Variants in SCARB1 observed in about 807,000 individuals in gnomAD.
The protein encoded by SCARB1 is scavenger receptor class B member 1.
A neutral mutation model predicts 57.2 loss-of-function variants in SCARB1; 30 were observed. That is an observed-to-expected ratio of 0.52 (90% CI 0.39 to 0.71). SCARB1 has a LOEUF of 0.71. Ranked by LOEUF, SCARB1 falls within the 30% of genes least tolerant of loss-of-function variation. SCARB1 has a pLI of 0.00. For synonymous variants in SCARB1, 249 were observed against 268.3 expected, an observed-to-expected ratio of 0.93 and a Z score of 0.70; for missense variants, 543 against 671.2, an observed-to-expected ratio of 0.81 and a Z score of 2.11.
In SCARB1 at chr12:124,817,808, G is replaced by C; in HGVS notation, c.127-101C>G. The C allele has an allele frequency of 7.7e-7, 1 of 1,297,914 alleles. No homozygotes were observed. The highest frequency in any genetic ancestry group is 1.2e-5 in the South Asian group (1 of 84,434). 80.4% of individuals were successfully genotyped at this position (1,297,914 alleles called of 1,614,324 possible). Reference sequence around the variant, plus strand: ...GCTGCCCGAGCCCGGCCAGGGAAGGGGCTCCTCGGCGGGAGCTTGGGATAG... The same window carrying C: ...GCTGCCCGAGCCCGGCCAGGGAAGGCGCTCCTCGGCGGGAGCTTGGGATAG... On this transcript the variant is annotated intron_variant, in intron 1 of 12. Transcript: ENST00000261693. The surrounding 1 kb of genome is among the most constrained non-coding windows in gnomAD (Gnocchi z 4.8).
intron 1 of SCARB1, among the ~76,000 whole-genome samples, chr12:124,823,290 T>G (rs1361925726): frequency 1.3e-5 from 2 of 152,226 alleles, no homozygotes; most frequent in African/African-American, 4.8e-5. Flanking sequence ...TAATGTGAAA[T>G]TTTAAAAATA....
intron 1 of SCARB1, among the ~76,000 whole-genome samples, chr12:124,823,161 C>T (rs1228125325): frequency 6.6e-6 from 1 of 152,144 alleles, no homozygotes; most frequent in African/African-American, 2.4e-5. Flanking sequence ...AATTCTGTTT[C>T]CTGATCTGGT....
intron 1 of SCARB1, among the ~76,000 whole-genome samples, chr12:124,854,785 G>C (rs1281831329): frequency 6.6e-6 from 1 of 152,156 alleles, no homozygotes; most frequent in African/African-American, 2.4e-5. Flanking sequence ...GGGAGCCACA[G>C]GTGTGGCCGA....
intron 1 of SCARB1, among the ~76,000 whole-genome samples, chr12:124,863,125 G>T (rs906696391): frequency 6.6e-6 from 1 of 152,232 alleles, no homozygotes; most frequent in Admixed American, 6.5e-5. Context: ...GGGTCTCACA[G>T]AAGGTTCCTG....
chr12:124,836,631 A>G (rs1351576600), intron 1 of SCARB1, among the ~76,000 whole-genome samples: 1 of 151,936 alleles, frequency 6.6e-6, no homozygotes, highest in Non-Finnish European at 1.5e-5. Context: ...ATCTCTACAA[A>G]AAATGTTTAA....
Position 124,863,683 on chromosome 12 carries a change from G to A in SCARB1, c.38C>T (p.Ala13Val). 1.3e-6 allele frequency: 2 copies of A among 1,553,898 alleles called. No individual in the cohort carries two copies. The highest frequency in any genetic ancestry group is 1.7e-6 in the Non-Finnish European group (2 of 1,150,740). The change falls in exon 1 of 13, where the codon GCG (alanine) becomes GTG (valine). Residue 13 changes from alanine (A) to valine (V), a missense_variant. Ala to Val is a moderately conservative substitution (Grantham distance 64). Coordinates refer to ENST00000261693, the MANE Select transcript of SCARB1 (RefSeq NM_005505.5). Reference sequence around the variant, plus strand: ...GCACAGTAGCCCCGCGACGCCCAGCGCCCCGGCAGCCCAGCGCGCTTTGGC... The same window carrying A: ...GCACAGTAGCCCCGCGACGCCCAGCACCCCGGCAGCCCAGCGCGCTTTGGC... ...CSAKARWAAGALGVAGLLCAV... is the reference protein window; with the variant it reads ...CSAKARWAAGVLGVAGLLCAV...
At chr12:124,848,708 GAGAACGGC>G (rs2135817329) in intron 1 of SCARB1, among the ~76,000 whole-genome samples, 2 of 152,352 alleles carry the variant, frequency 1.3e-5, no homozygotes, top group African/African-American at 4.8e-5. Flanking sequence ...CCTCCCTCGT[GAGAACGGC>G]AGAACGAGCC....
Position 124,803,443 on chromosome 12 carries a change from C to T in SCARB1, c.1010-3201G>A, listed in dbSNP as rs147587972. Among the ~76,000 whole-genome samples, 186 of 152,038 alleles carry T rather than the reference C, an allele frequency of 1.2e-3. 2 individuals carry two copies. Among genetic ancestry groups the T allele is most frequent in the African/African-American group, 4.3e-3 (179 of 41,482 alleles). On this transcript the variant is annotated intron_variant, in intron 7 of 12. Coordinates refer to ENST00000261693, the MANE Select transcript of SCARB1 (RefSeq NM_005505.5). Reference sequence around the variant, plus strand: ...AGAATTAGCTGGGCATGGTAGCAACCGCTTGTAGTCCCAGCTACTCAGGAG... The same window carrying T: ...AGAATTAGCTGGGCATGGTAGCAACTGCTTGTAGTCCCAGCTACTCAGGAG...
chr12:124,821,391 C>T, intron 1 of SCARB1: 1 of 985,370 alleles, frequency 1.0e-6, no homozygotes, highest in Middle Eastern at 5.2e-4. Flanking sequence ...ATGCTTTCCT[C>T]CTCCCCTGGC....
intron 1 of SCARB1, among the ~76,000 whole-genome samples, chr12:124,839,066 C>T (rs1474149480): frequency 6.6e-6 from 1 of 152,154 alleles, no homozygotes; most frequent in Non-Finnish European, 1.5e-5. Flanking sequence ...AGCCACTACA[C>T]GCCCAGCCCA....
chr12:124,817,612 G>A lies in SCARB1; in HGVS notation c.222C>T (p.Asn74=). Residue 74 remains asparagine, a synonymous_variant, in exon 2 of 13, where the codon AAC becomes AAT. Transcript: ENST00000261693. This position sits in a 1 kb window ranked among gnomAD's most constrained non-coding sequence, Gnocchi z 4.8. ...YLSVYFFDVM[N]PSEILKGEKP... is the part of the protein sequence containing the mutation. ...TCTCGCCCTTCAGGATCTCGCTGGG[G>A]TTCATGACGTCAAAGAAGTAGACGG... 6.2e-7 allele frequency: 1 copy of A among 1,614,230 alleles called. No homozygotes were observed. The highest frequency in any genetic ancestry group is 8.5e-7 in the Non-Finnish European group (1 of 1,180,036).
In SCARB1 at chr12:124,827,657, C is replaced by G. The variant is rs75140006; in HGVS notation, c.127-9950G>C. 3.8e-3 allele frequency among the ~76,000 whole-genome samples: 584 copies of G among 152,272 alleles called. 17 individuals are homozygous for G. In the East Asian group the frequency reaches 0.061, roughly 16 times the overall value. On this transcript the variant is annotated intron_variant, in intron 1 of 12. Transcript: ENST00000261693. ...CCCCACAGCCTCCTTGCTATCCTGT[C>G]CAAGAGGCCACGCTCCTGCCCCAGG...
intron 1 of SCARB1, among the ~76,000 whole-genome samples, chr12:124,820,436 C>G (rs1317903535): frequency 6.6e-6 from 1 of 152,052 alleles, no homozygotes; most frequent in African/African-American, 2.4e-5. Flanking sequence ...CAGTCCTGCC[C>G]CCTCGGTAAC....
At chr12:124,833,143 T>C (rs57852015) in intron 1 of SCARB1, among the ~76,000 whole-genome samples, 4,479 of 151,824 alleles carry the variant, frequency 0.03, 234 homozygotes, top group African/African-American at 0.1. Context: ...TGTGAAAGCA[T>C]TGTGGCCCCT....
chr12:124,811,784 C>T (rs1316397500), intron 5 of SCARB1, 86 bp downstream of exon 5: 1 of 864,838 alleles, frequency 1.2e-6, no homozygotes, highest in African/African-American at 1.7e-5. Flanking sequence ...AAGGAGCTCT[C>T]TGGTCCCTGC....
intron 1 of SCARB1, among the ~76,000 whole-genome samples, chr12:124,819,373 A>G (rs1026640750): frequency 6.6e-6 from 1 of 152,158 alleles, no homozygotes; most frequent in Non-Finnish European, 1.5e-5. Context: ...TTCCATGAAA[A>G]CCAGAAATAA....
rs376609365 is a variant in SCARB1 at position 124,807,968 on chromosome 12, G to C, written c.843-41C>G. On this transcript the variant is annotated intron_variant, in intron 6 of 12. Coordinates refer to ENST00000261693, the MANE Select transcript of SCARB1 (RefSeq NM_005505.5). The surrounding 1 kb of genome is among the most constrained non-coding windows in gnomAD (Gnocchi z 5.3). ...AGGATGAGAGGGGACACCCAGACCC[G>C]GCGGCCAGAGCCAGGCCCTGCCAAA... The C allele has an allele frequency of 3.7e-6, 6 of 1,604,556 alleles. No individual in the cohort carries two copies. Among genetic ancestry groups the C allele is most frequent in the South Asian group, 1.1e-5 (1 of 90,850 alleles).
At chr12:124,818,164 G>A (rs1950814864) in intron 1 of SCARB1, among the ~76,000 whole-genome samples, 1 of 152,210 alleles carries the variant, frequency 6.6e-6, no homozygotes, top group South Asian at 2.1e-4. Context: ...ATGGGAGAAT[G>A]ACCAGGACAG....
intron 1 of SCARB1, among the ~76,000 whole-genome samples, chr12:124,853,960 A>G (rs1952530634): frequency 1.3e-5 from 2 of 152,162 alleles, no homozygotes; most frequent in Admixed American, 1.3e-4. Context: ...ATATTTGAGA[A>G]CCTGCGATTA....
Sources: gnomAD v4.1 joint callset for allele counts (sites outside exome capture counted in the v4.1 genomes callset) on GRCh38, gnomAD v4.1.1 for gene constraint, Gnocchi (gnomAD v3.1) non-coding constraint, MANE v1.5 for transcripts, NCBI Gene and HGNC (gene_info 2026-07-23, HGNC 2026-07-21) for gene names.